Variants in ATP9B observed in about 807,000 individuals in gnomAD.
ATP9B encodes the protein ATPase phospholipid transporting 9B.
In ATP9B, 110 loss-of-function variants were observed where a neutral mutation model predicts 146.1. The observed-to-expected ratio is 0.75, with a 90% CI of 0.65 to 0.88. ATP9B has a LOEUF of 0.88. ATP9B is among the 40% of genes least tolerant of loss of function. The pLI is 0.00. For missense variants in ATP9B, 1,499 were observed against 1,496.4 expected, an observed-to-expected ratio of 1.00 and a Z score of -0.03; for synonymous variants, 604 against 569.7, an observed-to-expected ratio of 1.06 and a Z score of -0.86.
Position 79,327,572 on chromosome 18 carries a change from A to AAC in ATP9B, c.1774-1569_1774-1568insAC, listed in dbSNP as rs1568697715. Among the ~76,000 whole-genome samples the AAC allele has an allele frequency of 3.6e-4, 48 of 134,456 alleles. 1 individual carries two copies. Among genetic ancestry groups the AAC allele is most frequent in the African/African-American group, 1.3e-3 (44 of 34,134 alleles). 88.2% of individuals were successfully genotyped at this position (134,456 alleles called of 152,430 possible). A position where few individuals can be genotyped will look rare whatever the true frequency, so the allele number is the denominator to read the frequency against. ...CGTGGTTAGCGTGCTCTCCGTGGTT[A>AAC]GCGTGCTCTCCGTGGTTAACGTGCC... On this transcript the variant is annotated intron_variant, in intron 15 of 29. Transcript: ENST00000426216.
In ATP9B at chr18:79,348,205, C is replaced by A. The variant is rs752597707; in HGVS notation, c.2903+9C>A. The A allele has an allele frequency of 4.1e-6, 6 of 1,462,776 alleles. No individual in the cohort carries two copies. The East Asian group carries it at 1.6e-4, about 38-fold the overall frequency. 90.6% of individuals were successfully genotyped at this position (1,462,776 alleles called of 1,614,324 possible). A position where few individuals can be genotyped will look rare whatever the true frequency, so the allele number is the denominator to read the frequency against. The stretch of plus-strand genomic sequence containing the variant: ...GGCTTCCTCATGGTGGGGTAAGTTA[C>A]ACTCAGAACCTGCCAGCTCATCCAG... On this transcript the variant is annotated intron_variant, in intron 25 of 29. Coordinates refer to ENST00000426216, the MANE Select transcript of ATP9B (RefSeq NM_198531.5).
In ATP9B at chr18:79,259,081, A is replaced by G. The variant is rs139794085; in HGVS notation, c.1268+5540A>G. On this transcript the variant is annotated intron_variant, in intron 12 of 29. Coordinates refer to ENST00000426216, the MANE Select transcript of ATP9B (RefSeq NM_198531.5). ...CACTCTTAAAAGGCTTTTCAAATTT[A>G]AGAAAGTTAAGCTGTTTTATAAAAA... Among the ~76,000 whole-genome samples, 590 of 152,348 alleles carry G rather than the reference A, an allele frequency of 3.9e-3. 4 individuals carry two copies. Among genetic ancestry groups the G allele is most frequent in the African/African-American group, 0.013 (544 of 41,584 alleles).
At chr18:79,325,028 C>T (rs968952248) in intron 15 of ATP9B, among the ~76,000 whole-genome samples, 1 of 152,134 alleles carries the variant, frequency 6.6e-6, no homozygotes, top group African/African-American at 2.4e-5. Context: ...AGGCCGTGGC[C>T]GAAGACAGAC....
chr18:79,149,918 T>C (rs372529878), intron 6 of ATP9B, among the ~76,000 whole-genome samples: 19 of 152,058 alleles, frequency 1.2e-4, no homozygotes, highest in East Asian at 1.2e-3. Flanking sequence ...CTATCTCTAC[T>C]GAAAATATAA....
intron 11 of ATP9B, among the ~76,000 whole-genome samples, chr18:79,242,811 C>A (rs995670349): frequency 1.5e-4 from 23 of 152,122 alleles, no homozygotes; most frequent in African/African-American, 5.6e-4. Context: ...CATAAAGTAA[C>A]ACAAAAATTT....
chr18:79,319,565 GTT>G, intron 15 of ATP9B, among the ~76,000 whole-genome samples: 1 of 152,286 alleles, frequency 6.6e-6, no homozygotes, highest in East Asian at 1.9e-4. Context: ...CCTCCTCATT[GTT>G]TCCTTCCCTA....
intron 4 of ATP9B, among the ~76,000 whole-genome samples, chr18:79,125,787 TTATA>T (rs1245902015): frequency 6.6e-6 from 1 of 152,188 alleles, no homozygotes; most frequent in Admixed American, 6.5e-5. Flanking sequence ...TCTACTGCAG[TTATA>T]TAATAATGCA....
At chr18:79,218,264 T>C (rs1426314358) in intron 11 of ATP9B, among the ~76,000 whole-genome samples, 1 of 151,936 alleles carries the variant, frequency 6.6e-6, no homozygotes, top group East Asian at 1.9e-4. Flanking sequence ...CTTCTTGTCA[T>C]ATTTTCCTCG....
intron 15 of ATP9B, among the ~76,000 whole-genome samples, chr18:79,319,228 A>C (rs544567453): frequency 6.6e-6 from 1 of 152,264 alleles, no homozygotes; most frequent in African/African-American, 2.4e-5. Flanking sequence ...CAAACATTTT[A>C]GCACTGTTAA....
chr18:79,187,900 A>G (rs2095323613), intron 8 of ATP9B, among the ~76,000 whole-genome samples: 1 of 152,224 alleles, frequency 6.6e-6, no homozygotes, highest in African/African-American at 2.4e-5. Flanking sequence ...AATATGCCAT[A>G]TCAATTTTAG....
chr18:79,086,634 T>G (rs999358611), intron 1 of ATP9B, among the ~76,000 whole-genome samples: 8 of 152,036 alleles, frequency 5.3e-5, no homozygotes, highest in Non-Finnish European at 1.0e-4. Context: ...TTCAAATTTT[T>G]GGGTTTGCAT....
chr18:79,260,684 G>T (rs2096131230), intron 12 of ATP9B, among the ~76,000 whole-genome samples: 1 of 152,222 alleles, frequency 6.6e-6, no homozygotes, highest in African/African-American at 2.4e-5. Context: ...TTACAGGCAG[G>T]AAACAGCTTG....
intron 13 of ATP9B, among the ~76,000 whole-genome samples, chr18:79,293,606 C>T (rs559805636): frequency 2.0e-5 from 3 of 152,300 alleles, no homozygotes; most frequent in East Asian, 3.9e-4. Flanking sequence ...ACCTCAGCCT[C>T]GGACTTTCCA....
chr18:79,360,818 G>A (rs558403145), intron 26 of ATP9B: 1 of 152,280 alleles, frequency 6.6e-6, no homozygotes, highest in Admixed American at 6.5e-5. Context: ...GGGAAGCATC[G>A]TCCCAGGTCA....
intron 9 of ATP9B, among the ~76,000 whole-genome samples, chr18:79,200,761 A>ACTGTCGGGGTCAGAGCAGAGG (rs1568388850): frequency 6.6e-6 from 1 of 152,246 alleles, no homozygotes; most frequent in African/African-American, 2.4e-5. Context: ...GGAGGTGGGA[A>ACTGTCGGGGTCAGAGCAGAGG]CGTTGGGGTC....
chr18:79,135,189 CT>C (rs1208730306), intron 5 of ATP9B, among the ~76,000 whole-genome samples: 2 of 152,242 alleles, frequency 1.3e-5, no homozygotes, highest in African/African-American at 4.8e-5. Flanking sequence ...CAGTATGGGC[CT>C]TATGTGCACC....
intron 1 of ATP9B, among the ~76,000 whole-genome samples, chr18:79,080,964 G>A (rs1415593764): frequency 3.9e-5 from 6 of 152,220 alleles, no homozygotes; most frequent in African/African-American, 1.4e-4. Flanking sequence ...TCCCAGGGAT[G>A]AAGCTGACTT....
intron 2 of ATP9B, among the ~76,000 whole-genome samples, chr18:79,102,363 A>G (rs888680284): frequency 6.6e-6 from 1 of 152,120 alleles, no homozygotes. Context: ...ATTTAAAAAA[A>G]TTTTTTTGGT....
At chr18:79,317,693 G>T (rs1331740544) in intron 15 of ATP9B, among the ~76,000 whole-genome samples, 1 of 152,168 alleles carries the variant, frequency 6.6e-6, no homozygotes. Flanking sequence ...CTTAGACTTT[G>T]GTAAGTTCAG....
Sources: gnomAD v4.1 joint callset for allele counts (sites outside exome capture counted in the v4.1 genomes callset) on GRCh38, gnomAD v4.1.1 for gene constraint, MANE v1.5 for transcripts, NCBI Gene and HGNC (gene_info 2026-07-23, HGNC 2026-07-21) for gene names.